The following CERT1 variants were observed in gnomAD, a reference collection of about 807,000 sequenced individuals.
CERT1 encodes ceramide transporter 1.
CERT1 carries 31 observed loss-of-function variants against 87.9 expected under a neutral mutation model. That is an observed-to-expected ratio of 0.35 (90% confidence interval 0.27 to 0.48). The LOEUF (loss-of-function observed/expected upper bound fraction) is 0.48. Among genes scored for constraint, CERT1 ranks in the 20% least tolerant of loss-of-function variants. The probability of loss-of-function intolerance (pLI) is 0.99; values close to 1 mark genes in which losing one functional copy is unlikely to be tolerated. For synonymous variants in CERT1, 289 were observed against 250.9 expected (o/e 1.15, Z -1.44); for missense variants, 487 against 758.0 (o/e 0.64, Z 4.20).
At chr5:75,427,341 G>A (rs1480852296) in intron 3 of CERT1, among the ~76,000 whole-genome samples, 1 of 152,222 alleles carries the variant, frequency 6.6e-6, no homozygotes, top group African/African-American at 2.4e-5. Flanking sequence ...AGGCATGCCT[G>A]TAATCCCAGA....
At chr5:75,459,643 C>G (rs1470963623) in intron 2 of CERT1, among the ~76,000 whole-genome samples, 1 of 152,032 alleles carries the variant, frequency 6.6e-6, no homozygotes, top group Admixed American at 6.6e-5. Flanking sequence ...ACCACCATGC[C>G]CTGCTAATTT....
At chr5:75,374,924 T>A (rs1014318253), downstream of CERT1, 27 of 333,678 alleles carry the variant, frequency 8.1e-5, no homozygotes, top group African/African-American at 5.8e-4. Context: ...GAGAATTTTG[T>A]GTGTGTGTTA....
At chr5:75,402,171 C>T (rs895211605) in intron 9 of CERT1, 1 of 151,910 alleles carries the variant, frequency 6.6e-6, no homozygotes, top group African/African-American at 2.4e-5. Flanking sequence ...AAACACTGAA[C>T]AAAGCAAAAG....
intron 11 of CERT1, among the ~76,000 whole-genome samples, chr5:75,392,683 T>A: frequency 6.6e-6 from 1 of 151,846 alleles, no homozygotes. Context: ...TAAAAAGAAG[T>A]GGGAGGCCAG....
At chr5:75,379,556 T>C in intron 16 of CERT1, 83 bp from the exon 17 acceptor site, 6 of 1,285,726 alleles carry the variant, frequency 4.7e-6, no homozygotes, top group Non-Finnish European at 3.3e-6. Flanking sequence ...CCCTTGTTTT[T>C]AAAATATTCC....
chr5:75,506,810 A>G (rs1354205209), intron 1 of CERT1, among the ~76,000 whole-genome samples: 1 of 152,212 alleles, frequency 6.6e-6, no homozygotes, highest in Non-Finnish European at 1.5e-5. Flanking sequence ...TTGCTTTTCA[A>G]AAACATATTG....
intron 2 of CERT1, among the ~76,000 whole-genome samples, chr5:75,474,041 A>G (rs1204170214): frequency 6.6e-6 from 1 of 152,222 alleles, no homozygotes; most frequent in Admixed American, 6.5e-5. Context: ...CACCAGGCCC[A>G]AAACTGGACA....
Position 75,381,997 on chromosome 5 carries a change from A to G in CERT1, c.1569T>C (p.Pro523=). 6.2e-7 allele frequency: 1 copy of G among 1,613,948 alleles called. No individual in the cohort carries two copies. Among genetic ancestry groups the G allele is most frequent in the Non-Finnish European group, 8.5e-7 (1 of 1,179,898 alleles). Residue 523 remains proline, a synonymous_variant, in exon 15 of 17, where the codon CCT becomes CCC. Transcript: ENST00000643780. The part of the protein sequence containing the change: ...RKIPALTEND[P]ETWIVCNFSV... ...AAAAATTACAAACTATCCAAGTTTCAGGGTCATTTTCAGTCAAGGCTGGTA... is the reference window on the plus strand; with the variant it reads ...AAAAATTACAAACTATCCAAGTTTCGGGGTCATTTTCAGTCAAGGCTGGTA...
At chr5:75,457,454 G>A (rs972848938) in intron 3 of CERT1, among the ~76,000 whole-genome samples, 14 of 152,090 alleles carry the variant, frequency 9.2e-5, no homozygotes, top group Admixed American at 9.2e-4. Flanking sequence ...GAGATTTTTT[G>A]AATAGTAGCT....
intron 3 of CERT1, among the ~76,000 whole-genome samples, chr5:75,442,059 CT>C (rs1764345350): frequency 6.6e-6 from 1 of 152,150 alleles, no homozygotes; most frequent in Non-Finnish European, 1.5e-5. Flanking sequence ...TTTGCCAACA[CT>C]TGTTATTTAT....
rs1762979630 is a variant in CERT1 at position 75,412,698 on chromosome 5, A to G, written c.838-1595T>C. Among the ~76,000 whole-genome samples, 4 of 152,334 alleles carry G rather than the reference A, an allele frequency of 2.6e-5. No individual in the cohort carries two copies. In the South Asian group the frequency reaches 8.3e-4, roughly 32 times the overall value. ...TGGTTAAGTATTTGTGAATCTAAAC[A>G]TAGAAAAGGGACAGGAAAAATATGA... On this transcript the variant is annotated intron_variant, in intron 7 of 16. Transcript: ENST00000643780.
chr5:75,465,321 A>G (rs951089133), intron 2 of CERT1, among the ~76,000 whole-genome samples: 1 of 152,226 alleles, frequency 6.6e-6, no homozygotes, highest in African/African-American at 2.4e-5. Flanking sequence ...AGGATATCTG[A>G]TAATTTCCAA....
intron 2 of CERT1, among the ~76,000 whole-genome samples, chr5:75,498,925 C>A (rs915137795): frequency 1.4e-4 from 21 of 152,180 alleles, no homozygotes; most frequent in African/African-American, 4.6e-4. Context: ...TGAAAGCAGC[C>A]AGGAGGGGGG....
At chr5:75,506,229 C>A in intron 1 of CERT1, 113 bp from the exon 2 acceptor site, 1 of 915,030 alleles carries the variant, frequency 1.1e-6, no homozygotes, top group Non-Finnish European at 1.6e-6. Flanking sequence ...GTGAAAAGTC[C>A]AACTTAATTC....
chr5:75,505,713 TA>T (rs1767619639), intron 2 of CERT1: 2 of 227,224 alleles, frequency 8.8e-6, no homozygotes, highest in Non-Finnish European at 8.5e-6. Flanking sequence ...CCTCAACAAA[TA>T]AAAAGGCTTC....
intron 2 of CERT1, among the ~76,000 whole-genome samples, chr5:75,501,772 G>A (rs1561308122): frequency 6.6e-6 from 1 of 151,980 alleles, no homozygotes; most frequent in South Asian, 2.1e-4. Context: ...ATGCTACCAG[G>A]ATACATAATT....
At chr5:75,511,022 C>A in intron 1 of CERT1, 90 bp downstream of exon 1, 1 of 1,429,476 alleles carries the variant, frequency 7.0e-7, no homozygotes. Context: ...ACGTTCCGCG[C>A]CTCCCGCCAG....
intron 3 of CERT1, among the ~76,000 whole-genome samples, chr5:75,435,306 T>C (rs556438402): frequency 6.0e-4 from 91 of 152,336 alleles, no homozygotes; most frequent in African/African-American, 2.1e-3. Context: ...TTTCCTAAAA[T>C]GGCTATGTCA....
At chr5:75,496,087 A>T (rs1207244783) in intron 2 of CERT1, among the ~76,000 whole-genome samples, 1 of 152,146 alleles carries the variant, frequency 6.6e-6, no homozygotes, top group East Asian at 1.9e-4. Flanking sequence ...TGTACCTGAC[A>T]AACGTTACGG....
Sources: gnomAD v4.1 joint callset for allele counts (sites outside exome capture counted in the v4.1 genomes callset) on GRCh38, gnomAD v4.1.1 for gene constraint, MANE v1.5 for transcripts, NCBI Gene and HGNC (gene_info 2026-07-23, HGNC 2026-07-21) for gene names.